Variants in GRHL2 observed in about 807,000 individuals in gnomAD.
GRHL2 encodes the protein grainyhead like transcription factor 2.
In GRHL2, 21 loss-of-function variants were observed where a neutral mutation model predicts 83.8. The observed-to-expected ratio is 0.25, with a 90% CI of 0.18 to 0.36. The LOEUF (loss-of-function observed/expected upper bound fraction) is 0.36, where lower values mean the gene tolerates loss of function less well. Ranked by LOEUF, GRHL2 falls within the 10% of genes least tolerant of loss-of-function variation. The pLI is 1.00. For missense variants in GRHL2, 623 were observed against 781.8 expected (o/e 0.80, Z 2.42); for synonymous variants, 280 against 278.9 (o/e 1.00, Z -0.04).
chr8:101,528,673 C>A, intron 1 of GRHL2: 1 of 207,924 alleles, frequency 4.8e-6, no homozygotes. Flanking sequence ...GCAGGCAATC[C>A]CATAGCGCGA....
intron 4 of GRHL2, among the ~76,000 whole-genome samples, chr8:101,568,340 G>A (rs1369951671): frequency 9.9e-5 from 15 of 152,204 alleles, no homozygotes; most frequent in East Asian, 3.9e-4. Flanking sequence ...TGTACTCATC[G>A]TTTTTGTCTT....
chr8:101,549,038 G>A (rs1811323530), intron 2 of GRHL2, among the ~76,000 whole-genome samples: 2 of 151,916 alleles, frequency 1.3e-5, no homozygotes, highest in South Asian at 2.1e-4. Flanking sequence ...ACATAACCAT[G>A]TACAAGGTAG....
chr8:101,492,668 T>C lies in GRHL2; in HGVS notation c.-102T>C. The stretch of plus-strand genomic sequence containing the variant: ...ATTACCTGTAGCTCTTGTTCTGCCA[T>C]CTCGGGCGCTCTCACACACCTTCAC... On this transcript the variant is annotated 5_prime_UTR_variant, in exon 1 of 16. Transcript: ENST00000646743. 1.1e-6 allele frequency: 1 copy of C among 923,684 alleles called. No individual in the cohort carries two copies. Among genetic ancestry groups the C allele is most frequent in the South Asian group, 1.3e-5 (1 of 77,302 alleles). The allele number at this position is 923,684 out of a possible 1,614,324, so 57.2% of individuals were successfully genotyped here.
chr8:101,538,039 T>C (rs753175663), intron 1 of GRHL2, among the ~76,000 whole-genome samples: 1 of 152,226 alleles, frequency 6.6e-6, no homozygotes, highest in South Asian at 2.1e-4. Flanking sequence ...CGGAAGCAGA[T>C]CATCCACTAA....
rs142712206 is a variant in GRHL2 at position 101,499,670 on chromosome 8, A to G, written c.20+6881A>G. Among the ~76,000 whole-genome samples, 137 of 152,350 alleles carry G rather than the reference A, an allele frequency of 9.0e-4. No homozygotes were observed. The East Asian group carries it at 0.014, about 15-fold the overall frequency. ...GGAAAAATTTGAAGTCATTTTTAGT[A>G]TAAGAAAAGCCTTACCCTAAGTTAG... On this transcript the variant is annotated intron_variant, in intron 1 of 15. Coordinates refer to ENST00000646743, the MANE Select transcript of GRHL2 (RefSeq NM_024915.4).
At chr8:101,555,495 G>A (rs534375075) in intron 3 of GRHL2, among the ~76,000 whole-genome samples, 6 of 152,136 alleles carry the variant, frequency 3.9e-5, no homozygotes, top group Non-Finnish European at 5.9e-5. Context: ...TTGTGTGTAT[G>A]TGAGGAATAT....
rs554032212 is a variant in GRHL2, at chr8:101,666,578, C to A, written c.1764-11C>A. On this transcript the variant is annotated splice_polypyrimidine_tract_variant and intron_variant, in intron 15 of 15. Transcript: ENST00000646743. ...TCTTTGTTTTTCACACCCCTCCCCC[C>A]TCCATGGCAGCATCTTGGTGAACAT... 2.9e-5 allele frequency: 44 copies of A among 1,541,960 alleles called. No homozygotes were observed. The highest frequency in any genetic ancestry group is 1.1e-4 in the African/African-American group (8 of 73,414).
In GRHL2 at chr8:101,618,593, A is replaced by G. The variant is rs554827897; in HGVS notation, c.1099-946A>G. On this transcript the variant is annotated intron_variant, in intron 8 of 15. Transcript: ENST00000646743. The stretch of plus-strand genomic sequence containing the variant: ...CTTGTGTAAGGTTTCTTAGCTGGTT[A>G]ATGTTACAGCTGGAGCTAAAACCTG... 2.6e-5 allele frequency among the ~76,000 whole-genome samples: 4 copies of G among 152,108 alleles called. No individual in the cohort carries two copies. In the South Asian group the frequency reaches 8.3e-4, roughly 32 times the overall value.
intron 4 of GRHL2, among the ~76,000 whole-genome samples, chr8:101,569,684 T>C (rs914833815): frequency 2.0e-5 from 3 of 152,208 alleles, no homozygotes; most frequent in Admixed American, 2.0e-4. Context: ...TTGTCCAGGC[T>C]GGTCTGAAAC....
intron 4 of GRHL2, among the ~76,000 whole-genome samples, chr8:101,561,616 T>C (rs1811609804): frequency 6.6e-6 from 1 of 152,248 alleles, no homozygotes; most frequent in South Asian, 2.1e-4. Context: ...CCCCCTTCTA[T>C]AACATTAATA....
intron 6 of GRHL2, among the ~76,000 whole-genome samples, chr8:101,575,562 A>G (rs1351370092): frequency 6.6e-6 from 1 of 152,154 alleles, no homozygotes; most frequent in East Asian, 1.9e-4. Flanking sequence ...ACCTATCAGC[A>G]TTTATTTCTG....
chr8:101,541,440 C>A (rs1811152482), intron 1 of GRHL2, among the ~76,000 whole-genome samples: 1 of 151,842 alleles, frequency 6.6e-6, no homozygotes, highest in Admixed American at 6.6e-5. Context: ...TTCCTATCAA[C>A]AGTAAATAAC....
chr8:101,495,702 G>T (rs559187159), intron 1 of GRHL2, among the ~76,000 whole-genome samples: 1 of 152,236 alleles, frequency 6.6e-6, no homozygotes, highest in South Asian at 2.1e-4. Flanking sequence ...ATTCAGATAG[G>T]CGTAATAGAG....
chr8:101,553,355 A>C (rs1360946078), intron 3 of GRHL2, among the ~76,000 whole-genome samples: 2 of 152,214 alleles, frequency 1.3e-5, no homozygotes, highest in African/African-American at 4.8e-5. Context: ...ATTAAGATTC[A>C]AAAGGGGCAA....
intron 8 of GRHL2, among the ~76,000 whole-genome samples, chr8:101,615,664 T>C (rs1217170590): frequency 2.0e-5 from 3 of 152,228 alleles, no homozygotes; most frequent in Admixed American, 6.5e-5. Flanking sequence ...CCAAGATGTT[T>C]TTCAGGTGTT....
downstream of GRHL2, among the ~76,000 whole-genome samples, chr8:101,670,634 G>A (rs931852540): frequency 1.3e-5 from 2 of 152,198 alleles, no homozygotes; most frequent in African/African-American, 4.8e-5. Context: ...GTCCAAGTAG[G>A]TCCAGCTGAG....
At chr8:101,584,109 G>A (rs1812116144) in intron 7 of GRHL2, among the ~76,000 whole-genome samples, 1 of 152,100 alleles carries the variant, frequency 6.6e-6, no homozygotes, top group African/African-American at 2.4e-5. Context: ...TAAACTGTAT[G>A]CTCTTTATTC....
chr8:101,641,384 T>C (rs1167437020), intron 12 of GRHL2, among the ~76,000 whole-genome samples: 1 of 152,118 alleles, frequency 6.6e-6, no homozygotes, highest in Non-Finnish European at 1.5e-5. Context: ...ACAAGCAGAA[T>C]TGAGAAATAG....
At chr8:101,601,041 T>G (rs1812498916) in intron 8 of GRHL2, among the ~76,000 whole-genome samples, 1 of 151,904 alleles carries the variant, frequency 6.6e-6, no homozygotes, top group South Asian at 2.1e-4. Context: ...GCATCTGAAG[T>G]CCTAGCTACT....
Sources: allele counts gnomAD v4.1 joint callset (sites outside exome capture counted in the v4.1 genomes callset), GRCh38; gene constraint gnomAD v4.1.1; transcripts MANE v1.5; gene names NCBI Gene and HGNC (gene_info 2026-07-23, HGNC 2026-07-21).